The following CASK variants were observed in gnomAD, a reference collection of about 807,000 sequenced individuals.
CASK encodes peripheral plasma membrane protein CASK.
In CASK, 4 loss-of-function variants were observed where a neutral mutation model predicts 82.9. The observed-to-expected ratio is 0.05, with a 90% confidence interval of 0.02 to 0.11. The LOEUF (loss-of-function observed/expected upper bound fraction) is 0.11. Ranked by LOEUF, CASK falls within the 10% of genes least tolerant of loss-of-function variation. The pLI is 1.00. For synonymous variants in CASK, 259 were observed against 253.5 expected (o/e 1.02, Z -0.20); for missense variants, 358 against 720.9 (o/e 0.50, Z 5.76).
chrX:41,853,650 C>G (rs2071308523), intron 1 of CASK, among the ~76,000 whole-genome samples: 1 of 111,492 alleles, frequency 9.0e-6, no homozygotes, highest in Non-Finnish European at 1.9e-5. Context: ...ATCTTACCCA[C>G]CATTTACCTA....
chrX:41,900,815 G>A (rs1161656078), intron 1 of CASK, among the ~76,000 whole-genome samples: 2 of 95,151 alleles, frequency 2.1e-5, no homozygotes, highest in African/African-American at 8.1e-5. Context: ...GCATGACCTC[G>A]GCTCACTGTG....
At chrX:41,619,340 T>C (rs1463943352) in intron 11 of CASK, among the ~76,000 whole-genome samples, 2 of 109,336 alleles carry the variant, frequency 1.8e-5, no homozygotes, top group African/African-American at 6.7e-5. Context: ...GATCTCACTA[T>C]GTTGTGCAGG....
chrX:41,558,094 G>A (rs2065180801), intron 18 of CASK: 1 of 110,493 alleles, frequency 9.1e-6, no homozygotes, highest in Admixed American at 9.7e-5. Context: ...AGTCAGTAGA[G>A]CCAGGGTGAG....
chrX:41,814,530 GA>G (rs1403945857), intron 2 of CASK, among the ~76,000 whole-genome samples: 4 of 103,049 alleles, frequency 3.9e-5, no homozygotes, highest in Admixed American at 3.2e-4. Context: ...TCATAGGTGG[GA>G]ATTCAACAAT....
At chrX:41,780,488 T>C (rs2069452124) in intron 3 of CASK, among the ~76,000 whole-genome samples, 1 of 111,759 alleles carries the variant, frequency 8.9e-6, no homozygotes, top group Admixed American at 9.5e-5. Context: ...GGGTACCTGC[T>C]TGTTTAACAA....
chrX:41,695,774 C>T (rs1193135828), intron 5 of CASK: 3 of 1,210,158 alleles, frequency 2.5e-6, no homozygotes, highest in Non-Finnish European at 3.4e-6. Context: ...CTACCTGTCC[C>T]ATGGATGAAA....
chrX:41,568,723 G>A (rs773885957), intron 16 of CASK, among the ~76,000 whole-genome samples: 2 of 112,027 alleles, frequency 1.8e-5, no homozygotes, highest in African/African-American at 6.5e-5. Context: ...TCTTCGAGCT[G>A]GGCAAGGTAG....
At chrX:41,837,711 T>G (rs1261211526) in intron 2 of CASK, among the ~76,000 whole-genome samples, 1 of 112,400 alleles carries the variant, frequency 8.9e-6, no homozygotes, top group Non-Finnish European at 1.9e-5. Flanking sequence ...ATGGTATAGA[T>G]GTATCACAAT....
chrX:41,573,389 G>A (rs772996211), intron 15 of CASK, among the ~76,000 whole-genome samples: 1 of 109,729 alleles, frequency 9.1e-6, no homozygotes, highest in African/African-American at 3.3e-5. Flanking sequence ...ATGTTTTCAG[G>A]CGTTATTTCT....
chrX:41,674,534 T>C (rs960887447), intron 5 of CASK, among the ~76,000 whole-genome samples: 3 of 111,646 alleles, frequency 2.7e-5, no homozygotes, highest in African/African-American at 9.8e-5. Context: ...GCCAAAATTT[T>C]AAATGGAACA....
At chrX:41,582,744 A>G (rs1453519648) in intron 14 of CASK, among the ~76,000 whole-genome samples, 1 of 111,927 alleles carries the variant, frequency 8.9e-6, no homozygotes, top group Non-Finnish European at 1.9e-5. Context: ...GAATCTACAA[A>G]GCTCTTTCCT....
At chrX:41,798,552 C>T (rs369767932) in intron 2 of CASK, among the ~76,000 whole-genome samples, 101 of 112,612 alleles carry the variant, frequency 9.0e-4, no homozygotes, top group Middle Eastern at 4.7e-3. Context: ...TAATAAGCTG[C>T]GGCCAGGGGC....
Position 41,739,806 on chromosome X carries a change from G to A in CASK, c.357-350C>T, listed in dbSNP as rs754887658. 5.3e-5 allele frequency among the ~76,000 whole-genome samples: 6 copies of A among 112,530 alleles called. 1 individual carries two copies. Among genetic ancestry groups the A allele is most frequent in the Non-Finnish European group, 1.1e-4 (6 of 53,296 alleles). On this transcript the variant is annotated intron_variant, in intron 4 of 26. Coordinates refer to ENST00000378163, the MANE Select transcript of CASK (RefSeq NM_001367721.1). ...GGTAATTCTACTTAAACTGGACTGC[G>A]TTATGTAAACAGTGCTCAGGGCTGC... is the stretch of plus-strand genomic sequence containing the variant.
At chrX:41,854,201 C>G (rs993049142) in intron 1 of CASK, among the ~76,000 whole-genome samples, 7 of 99,909 alleles carry the variant, frequency 7.0e-5, no homozygotes, top group Admixed American at 3.3e-4. Context: ...GTCCAGGGAA[C>G]ATGCGCGCGC....
chrX:41,719,404 A>G (rs188977372), intron 5 of CASK, among the ~76,000 whole-genome samples: 1 of 112,100 alleles, frequency 8.9e-6, no homozygotes, highest in Non-Finnish European at 1.9e-5. Flanking sequence ...GCACAAGGAA[A>G]TGCAAACTAA....
At chrX:41,531,970 T>C in intron 24 of CASK, among the ~76,000 whole-genome samples, 1 of 112,180 alleles carries the variant, frequency 8.9e-6, no homozygotes, top group East Asian at 2.8e-4. Context: ...AGTCCCACTC[T>C]GTAGCCCAGG....
intron 12 of CASK, among the ~76,000 whole-genome samples, chrX:41,592,557 C>T (rs746638167): frequency 1.8e-5 from 2 of 110,921 alleles, no homozygotes; most frequent in Non-Finnish European, 3.8e-5. Context: ...GAACGTGTGG[C>T]CGAATCAGAT....
chrX:41,711,844 G>A (rs771837934), intron 5 of CASK, among the ~76,000 whole-genome samples: 6 of 111,957 alleles, frequency 5.4e-5, no homozygotes, highest in Non-Finnish European at 9.4e-5. Context: ...CTGCAGGGGT[G>A]GGGGGGCCAC....
intron 25 of CASK, among the ~76,000 whole-genome samples, chrX:41,526,401 G>T (rs1461838394): frequency 3.6e-5 from 4 of 112,214 alleles, no homozygotes; most frequent in Non-Finnish European, 3.8e-5. Flanking sequence ...GACACCCTGG[G>T]CATGAAATGG....
Sources: allele counts gnomAD v4.1 joint callset (sites outside exome capture counted in the v4.1 genomes callset), GRCh38; gene constraint gnomAD v4.1.1; transcripts MANE v1.5; gene names NCBI Gene and HGNC (gene_info 2026-07-23, HGNC 2026-07-21).